DCC: variants seen among roughly 807,000 people sequenced by gnomAD.
DCC encodes DCC netrin 1 receptor.
In DCC, 58 loss-of-function variants were observed where a neutral mutation model predicts 172.5. That is an observed-to-expected ratio of 0.34 (90% confidence interval 0.27 to 0.42). The LOEUF (loss-of-function observed/expected upper bound fraction) is 0.42. Ranked by LOEUF, DCC falls within the 10% of genes least tolerant of loss-of-function variation. The pLI, the probability that DCC is intolerant of heterozygous loss-of-function variation, is 1.00. For missense variants in DCC, 1,740 were observed against 1,791.0 expected (o/e 0.97, Z 0.51); for synonymous variants, 709 against 644.5 (o/e 1.10, Z -1.52).
chr18:53,196,295 T>A (rs2055442069), intron 9 of DCC, among the ~76,000 whole-genome samples: 2 of 152,214 alleles, frequency 1.3e-5, no homozygotes, highest in African/African-American at 4.8e-5. Flanking sequence ...ACTTCCACCA[T>A]GCAGTCCAGA....
intron 21 of DCC, among the ~76,000 whole-genome samples, chr18:53,426,204 A>G (rs559937433): frequency 1.3e-5 from 2 of 149,048 alleles, no homozygotes; most frequent in South Asian, 4.2e-4. Flanking sequence ...AGGAGTAACC[A>G]ATGTGTTTCT....
chr18:52,811,675 GATATT>G (rs1183743407), intron 2 of DCC, among the ~76,000 whole-genome samples: 22 of 152,134 alleles, frequency 1.4e-4, no homozygotes, highest in Admixed American at 1.2e-3. Flanking sequence ...AAAAAGAATT[GATATT>G]ATAAATTATA....
At chr18:53,484,686 A>G (rs146116983) in intron 25 of DCC, among the ~76,000 whole-genome samples, 180 of 152,168 alleles carry the variant, frequency 1.2e-3, no homozygotes, top group African/African-American at 4.1e-3. Flanking sequence ...GGAAGAGACT[A>G]TACCTTTTTA....
chr18:53,429,029 TAA>T (rs1568126994), intron 21 of DCC, among the ~76,000 whole-genome samples: 1 of 70,558 alleles, frequency 1.4e-5, no homozygotes, highest in African/African-American at 4.7e-5. Flanking sequence ...ATTTTTTATA[TAA>T]TATATATTTT....
chr18:52,843,923 A>G (rs1197816939), intron 2 of DCC, among the ~76,000 whole-genome samples: 1 of 152,160 alleles, frequency 6.6e-6, no homozygotes, highest in Non-Finnish European at 1.5e-5. Context: ...GTGAGTTTTT[A>G]TATACAACTT....
At chr18:52,409,424 C>T (rs1180361622) in intron 1 of DCC, among the ~76,000 whole-genome samples, 2 of 152,130 alleles carry the variant, frequency 1.3e-5, no homozygotes, top group African/African-American at 4.8e-5. Flanking sequence ...TGATATTCAA[C>T]TGTTTTTTCT....
intron 24 of DCC, among the ~76,000 whole-genome samples, chr18:53,463,300 C>A (rs916628743): frequency 6.6e-6 from 1 of 152,098 alleles, no homozygotes; most frequent in Admixed American, 6.6e-5. Context: ...GGTTTAATCC[C>A]AAATGATGAC....
rs75138932 is a variant in DCC at position 53,488,384 on chromosome 18, A to T, written c.3898+1426A>T. On this transcript the variant is annotated intron_variant, in intron 26 of 28. Transcript: ENST00000442544. ...AGCTAGACTCTATTTATTTCAAATT[A>T]AAAAAAAAGAATGTGTAGAATGACC... Among the ~76,000 whole-genome samples, 552 of 151,742 alleles carry T rather than the reference A, an allele frequency of 3.6e-3. 3 individuals carry two copies. The highest frequency in any genetic ancestry group is 0.012 in the African/African-American group (507 of 41,404).
intron 1 of DCC, among the ~76,000 whole-genome samples, chr18:52,738,971 CTCCTGATCTCAAATGA>C (rs957261513): frequency 1.3e-5 from 2 of 151,560 alleles, no homozygotes; most frequent in African/African-American, 4.8e-5. Context: ...TTGTCTTAAA[CTCCTGATCTCAAATGA>C]TCCTCTCACC....
intron 1 of DCC, among the ~76,000 whole-genome samples, chr18:52,420,879 G>T (rs914350122): frequency 6.6e-6 from 1 of 152,182 alleles, no homozygotes; most frequent in Admixed American, 6.5e-5. Flanking sequence ...TTAGCATCTG[G>T]TGTGGGCAGA....
At chr18:53,203,651 A>G (rs1291987341) in intron 9 of DCC, among the ~76,000 whole-genome samples, 1 of 152,198 alleles carries the variant, frequency 6.6e-6, no homozygotes, top group African/African-American at 2.4e-5. Flanking sequence ...TAAGAAGTGT[A>G]TCAACAGATT....
intron 7 of DCC, among the ~76,000 whole-genome samples, chr18:53,147,217 A>G (rs568720880): frequency 2.6e-5 from 4 of 152,302 alleles, no homozygotes; most frequent in Non-Finnish European, 4.4e-5. Context: ...AAAAAGAATG[A>G]GCTACATGAG....
intron 1 of DCC, among the ~76,000 whole-genome samples, chr18:52,731,183 C>T (rs1295484678): frequency 6.6e-6 from 1 of 152,184 alleles, no homozygotes; most frequent in Non-Finnish European, 1.5e-5. Context: ...AAGCGCTTTG[C>T]TTGTCCTATC....
intron 1 of DCC, among the ~76,000 whole-genome samples, chr18:52,641,806 G>C (rs1415947681): frequency 6.6e-6 from 1 of 152,000 alleles, no homozygotes; most frequent in African/African-American, 2.4e-5. Flanking sequence ...AAACAGTGTG[G>C]AGGTTCCTTA....
chr18:53,466,315 G>A (rs1351427198), intron 24 of DCC, among the ~76,000 whole-genome samples: 3 of 152,122 alleles, frequency 2.0e-5, no homozygotes, highest in African/African-American at 7.2e-5. Flanking sequence ...TTGGTAGATG[G>A]TTTTAGGTCA....
intron 1 of DCC, among the ~76,000 whole-genome samples, chr18:52,560,780 G>T: frequency 6.6e-6 from 1 of 152,112 alleles, no homozygotes; most frequent in East Asian, 1.9e-4. Flanking sequence ...TCTTTTATTT[G>T]GATGTGAGAA....
chr18:52,946,227 C>G (rs1282882425), intron 5 of DCC, among the ~76,000 whole-genome samples: 3 of 152,200 alleles, frequency 2.0e-5, no homozygotes, highest in African/African-American at 7.2e-5. Context: ...AGCCTTTTCC[C>G]TACAAGACAG....
chr18:52,765,822 A>C (rs1350023265), intron 2 of DCC, among the ~76,000 whole-genome samples: 1 of 152,134 alleles, frequency 6.6e-6, no homozygotes, highest in Non-Finnish European at 1.5e-5. Context: ...TTGGCCATTC[A>C]CTAGTTCTGC....
At position 52,610,167 on chromosome 18, in the gene DCC, AAAAAAAAAAAAATATATATATATATAT is replaced by A. The variant is rs1568254095; in HGVS notation, c.92-141885_92-141859del. Reference sequence around the variant, plus strand: ...CATCTCTCATAAAAAAAAAAAAAAAAAAAAAAAAAAAATATATATATATATATATATATATATATATATATATATATA... The same window carrying A: ...CATCTCTCATAAAAAAAAAAAAAAAAATATATATATATATATATATATATA... On this transcript the variant is annotated intron_variant, in intron 1 of 28. Transcript: ENST00000442544. 3.9e-4 allele frequency among the ~76,000 whole-genome samples: 9 copies of A among 23,044 alleles called. 2 individuals carry two copies. The highest frequency in any genetic ancestry group is 4.3e-3 in the South Asian group (2 of 466). The allele number at this position is 23,044 out of a possible 152,430, so 15.1% of individuals were successfully genotyped here.
Sources: allele counts gnomAD v4.1 joint callset (sites outside exome capture counted in the v4.1 genomes callset), GRCh38; gene constraint gnomAD v4.1.1; transcripts MANE v1.5; gene names NCBI Gene and HGNC (gene_info 2026-07-23, HGNC 2026-07-21).